Variants in RCOR1 observed in about 807,000 individuals in gnomAD.
RCOR1 encodes REST corepressor 1.
RCOR1 carries 12 observed loss-of-function variants against 64.0 expected under a neutral mutation model. The observed-to-expected ratio is 0.19, with a 90% confidence interval of 0.12 to 0.30. The LOEUF is 0.30. Among genes scored for constraint, RCOR1 ranks in the 10% least tolerant of loss-of-function variants. The pLI is 1.00. For missense variants in RCOR1, 502 were observed against 621.2 expected, an observed-to-expected ratio of 0.81 and a Z score of 2.04; for synonymous variants, 279 against 227.2, an observed-to-expected ratio of 1.23 and a Z score of -2.05.
chr14:102,622,295 A>G (rs1046109230), intron 2 of RCOR1, among the ~76,000 whole-genome samples: 2 of 152,160 alleles, frequency 1.3e-5, no homozygotes, highest in African/African-American at 2.4e-5. Flanking sequence ...GACTTCTACT[A>G]CACTGCCAGC....
intron 7 of RCOR1, among the ~76,000 whole-genome samples, chr14:102,711,838 A>G (rs1186141283): frequency 6.6e-6 from 1 of 152,210 alleles, no homozygotes; most frequent in Non-Finnish European, 1.5e-5. Flanking sequence ...AGTGATTTAT[A>G]ATATTATCCA....
chr14:102,665,328 T>TAAA (rs1567428143), intron 2 of RCOR1, among the ~76,000 whole-genome samples: 2 of 150,346 alleles, frequency 1.3e-5, no homozygotes, highest in Admixed American at 6.6e-5. Flanking sequence ...TTTTTTTTTT[T>TAAA]TTAAATAAAA....
Position 102,597,628 on chromosome 14 carries a change from C to CTTTT in RCOR1, c.361+4326_361+4329dup, listed in dbSNP as rs57656879. ...TCAGGCGTGAGCCACTGCGCCCGAC[C>CTTTT]TTTTTTTTTTTTTTTTTTTTTTTTT... On this transcript the variant is annotated intron_variant, in intron 2 of 11. Coordinates refer to ENST00000262241, the MANE Select transcript of RCOR1 (RefSeq NM_015156.4). 5.6e-3 allele frequency among the ~76,000 whole-genome samples: 253 copies of CTTTT among 45,000 alleles called. 18 individuals carry two copies. The highest frequency in any genetic ancestry group is 7.5e-3 in the Non-Finnish European group (199 of 26,426). 29.5% of individuals were successfully genotyped at this position (45,000 alleles called of 152,430 possible).
chr14:102,726,363 G>A, intron 11 of RCOR1, 105 bp from the exon 12 acceptor site: 2 of 962,348 alleles, frequency 2.1e-6, no homozygotes, highest in Non-Finnish European at 3.1e-6. Context: ...TGTTTGCTCT[G>A]CAGGTTTGCT....
chr14:102,657,407 T>TC, intron 2 of RCOR1: 1 of 985,376 alleles, frequency 1.0e-6, no homozygotes, highest in Non-Finnish European at 1.2e-6. Context: ...TTCTTAACTT[T>TC]TCTGATGATG....
intron 2 of RCOR1, chr14:102,643,462 A>G (rs1001353492): frequency 3.4e-6 from 1 of 296,288 alleles, no homozygotes; most frequent in Non-Finnish European, 5.0e-6. Flanking sequence ...AGATTAATGC[A>G]TGGTAATTAC....
At position 102,625,899 on chromosome 14, in the gene RCOR1, C is replaced by T. The variant is rs77629984; in HGVS notation, c.361+32574C>T. Among the ~76,000 whole-genome samples, 98 of 152,310 alleles carry T rather than the reference C, an allele frequency of 6.4e-4. No individual in the cohort carries two copies. In the East Asian group the frequency reaches 0.018, roughly 27 times the overall value. On this transcript the variant is annotated intron_variant, in intron 2 of 11. Transcript: ENST00000262241. The stretch of plus-strand genomic sequence containing the variant: ...ACTGCATAGGTTGAACACAACAACA[C>T]AGTGACCCTAATCCTTCCGATACCT...
chr14:102,638,670 CTTTTCTTT>C (rs1894295271), intron 2 of RCOR1, among the ~76,000 whole-genome samples: 1 of 151,140 alleles, frequency 6.6e-6, no homozygotes, highest in African/African-American at 2.4e-5. Context: ...TTTTTCTTTT[CTTTTCTTT>C]TTTTCTTGAG....
intron 2 of RCOR1, among the ~76,000 whole-genome samples, chr14:102,662,031 G>C (rs1387245352): frequency 1.3e-5 from 2 of 152,198 alleles, no homozygotes; most frequent in Admixed American, 1.3e-4. Flanking sequence ...AAAGTGCTGG[G>C]ATTATAGGCG....
chr14:102,698,295 A>G (rs1895685726), intron 3 of RCOR1, among the ~76,000 whole-genome samples: 1 of 152,224 alleles, frequency 6.6e-6, no homozygotes, highest in Admixed American at 6.5e-5. Context: ...AGGCCTTGTT[A>G]CTGATGTAGC....
At chr14:102,630,745 C>T (rs1432573248) in intron 2 of RCOR1, among the ~76,000 whole-genome samples, 1 of 152,164 alleles carries the variant, frequency 6.6e-6, no homozygotes, top group Non-Finnish European at 1.5e-5. Context: ...CACCTCCGGA[C>T]TGTTTCATGA....
chr14:102,608,342 G>C (rs1039052711), intron 2 of RCOR1, among the ~76,000 whole-genome samples: 1 of 152,124 alleles, frequency 6.6e-6, no homozygotes, highest in African/African-American at 2.4e-5. Context: ...TTAGTGTAAT[G>C]TTTTCAAGGT....
chr14:102,725,783 C>T (rs1260078437), intron 11 of RCOR1, among the ~76,000 whole-genome samples: 1 of 151,960 alleles, frequency 6.6e-6, no homozygotes, highest in Non-Finnish European at 1.5e-5. Flanking sequence ...TTTGGCCAGG[C>T]TGGTCTCGAA....
chr14:102,603,294 GA>G (rs1893440567), intron 2 of RCOR1, among the ~76,000 whole-genome samples: 1 of 151,866 alleles, frequency 6.6e-6, no homozygotes, highest in Non-Finnish European at 1.5e-5. Flanking sequence ...GTATCGATAA[GA>G]AAAGAGTGTC....
At chr14:102,662,700 C>T (rs1225760151) in intron 2 of RCOR1, 12 of 435,190 alleles carry the variant, frequency 2.8e-5, no homozygotes, top group Admixed American at 2.3e-4. Context: ...TCTTTGCTTT[C>T]GGTGCCATCT....
At chr14:102,713,760 C>T (rs1413188166) in intron 7 of RCOR1, among the ~76,000 whole-genome samples, 3 of 152,192 alleles carry the variant, frequency 2.0e-5, no homozygotes, top group Non-Finnish European at 2.9e-5. Context: ...GTCTTTAGCT[C>T]AGTCTTTTAA....
chr14:102,595,579 T>G (rs1399978942), intron 2 of RCOR1, among the ~76,000 whole-genome samples: 7 of 151,980 alleles, frequency 4.6e-5, no homozygotes, highest in African/African-American at 1.7e-4. Flanking sequence ...ATTTCCAAAT[T>G]TCTTTTTTTT....
At chr14:102,629,820 C>T (rs1023129566) in intron 2 of RCOR1, among the ~76,000 whole-genome samples, 1 of 152,110 alleles carries the variant, frequency 6.6e-6, no homozygotes, top group East Asian at 1.9e-4. Context: ...CATAACAATC[C>T]TACACCACAC....
At chr14:102,602,499 G>T (rs573579155) in intron 2 of RCOR1, among the ~76,000 whole-genome samples, 77 of 150,480 alleles carry the variant, frequency 5.1e-4, no homozygotes, top group Non-Finnish European at 1.0e-3. Context: ...CGCCTCCCCG[G>T]TTCAAGTGAT....
Sources: gnomAD v4.1 joint callset for allele counts (sites outside exome capture counted in the v4.1 genomes callset) on GRCh38, gnomAD v4.1.1 for gene constraint, MANE v1.5 for transcripts, NCBI Gene and HGNC (gene_info 2026-07-23, HGNC 2026-07-21) for gene names.